Variants in MEGF11 observed in about 807,000 individuals in gnomAD.
MEGF11 encodes the protein multiple EGF like domains 11, also known as multiple epidermal growth factor-like domains protein 11.
Under a neutral mutation model 146.6 loss-of-function variants are expected in MEGF11, and 126 were observed. The observed-to-expected ratio is 0.86, with a 90% confidence interval of 0.74 to 1.00. MEGF11 has a LOEUF of 1.00. Ranked by LOEUF, MEGF11 falls within the 50% of genes least tolerant of loss-of-function variation. The pLI is 0.00. For missense variants in MEGF11, 1,509 were observed against 1,521.2 expected (o/e 0.99, Z 0.13); for synonymous variants, 532 against 583.4 (o/e 0.91, Z 1.27).
In MEGF11 at chr15:66,094,468, C is replaced by A. The variant is rs1298570187; in HGVS notation, c.328G>T (p.Gly110Cys). 2 of 1,560,616 alleles carry A rather than the reference C, an allele frequency of 1.3e-6. No individual in the cohort carries two copies. Among genetic ancestry groups the A allele is most frequent in the East Asian group, 2.4e-5 (1 of 41,642 alleles). Residue 110 changes from glycine (G) to cysteine (C), a missense_variant, in exon 5 of 26, where the codon GGC (glycine) becomes TGC (cysteine). Gly to Cys is a radical substitution (Grantham distance 159, BLOSUM62 -3). Transcript: ENST00000395614. ...IPLCTEECVH[G>C]RCVSPDTCHC... is the part of the protein sequence containing the mutation. ...CAGGTGTCCGGGGAAACGCAGCGGC[C>A]GTGCACACACTCCTCCGTACACAGG...
intron 4 of MEGF11, among the ~76,000 whole-genome samples, chr15:66,110,658 C>G (rs1260371181): frequency 6.6e-6 from 1 of 152,202 alleles, no homozygotes; most frequent in African/African-American, 2.4e-5. Context: ...GGCAGCAAAG[C>G]TCAGCACCAG....
chr15:66,117,803 G>T (rs748693679), intron 4 of MEGF11, among the ~76,000 whole-genome samples: 2 of 152,176 alleles, frequency 1.3e-5, no homozygotes, highest in Non-Finnish European at 2.9e-5. Context: ...TCCTAGCTCA[G>T]TCCTCTGCCC....
chr15:66,206,249 G>GA (rs2140109652), intron 1 of MEGF11, among the ~76,000 whole-genome samples: 1 of 152,064 alleles, frequency 6.6e-6, no homozygotes, highest in South Asian at 2.1e-4. Context: ...GGAGAAAACA[G>GA]ACTTGAAAAA....
At chr15:66,077,548 G>A (rs774555906) in intron 5 of MEGF11, among the ~76,000 whole-genome samples, 36 of 152,220 alleles carry the variant, frequency 2.4e-4, no homozygotes, top group Non-Finnish European at 4.0e-4. Context: ...CAGAAGGAAC[G>A]AAAGACGTGA....
At chr15:65,923,864 G>A (rs1411879865) in intron 13 of MEGF11, among the ~76,000 whole-genome samples, 2 of 152,180 alleles carry the variant, frequency 1.3e-5, no homozygotes, top group Admixed American at 1.3e-4. Flanking sequence ...GCCTGAGGCT[G>A]GATGCCCCAG....
intron 1 of MEGF11, among the ~76,000 whole-genome samples, chr15:66,241,917 GACA>G (rs2092218539): frequency 6.6e-6 from 1 of 152,170 alleles, no homozygotes; most frequent in African/African-American, 2.4e-5. Context: ...CACATACACA[GACA>G]ACAAAGAGAA....
intron 2 of MEGF11, among the ~76,000 whole-genome samples, chr15:66,126,944 C>T (rs1043657232): frequency 1.3e-5 from 2 of 152,186 alleles, no homozygotes; most frequent in South Asian, 2.1e-4. Flanking sequence ...ATGCACCTCC[C>T]GTGAGTCTGA....
chr15:66,086,609 G>C lies in MEGF11; in HGVS notation c.394+7793C>G, dbSNP rs191870885. Among the ~76,000 whole-genome samples, 7 of 151,908 alleles carry C rather than the reference G, an allele frequency of 4.6e-5. No individual in the cohort carries two copies. The East Asian group carries it at 9.7e-4, about 21-fold the overall frequency. On this transcript the variant is annotated intron_variant, in intron 5 of 25. Transcript: ENST00000395614. ...TACGGTCGTTTTCAGACAAACAAAT[G>C]CTGAGAGAATTCGCCATTACCAAGC...
At chr15:65,959,372 C>A (rs1425575181) in intron 9 of MEGF11, among the ~76,000 whole-genome samples, 1 of 152,152 alleles carries the variant, frequency 6.6e-6, no homozygotes, top group Non-Finnish European at 1.5e-5. Context: ...ACAGGCAATT[C>A]CTGAATAATA....
chr15:65,918,700 A>G (rs2079080623), intron 15 of MEGF11, among the ~76,000 whole-genome samples: 1 of 152,140 alleles, frequency 6.6e-6, no homozygotes, highest in South Asian at 2.1e-4. Flanking sequence ...CCTCTCCACC[A>G]CTGGTATTTC....
chr15:66,164,985 C>T lies in MEGF11; in HGVS notation c.-8-36574G>A, dbSNP rs150504616. 3.1e-3 allele frequency among the ~76,000 whole-genome samples: 467 copies of T among 152,288 alleles called. 4 individuals are homozygous for T. Among genetic ancestry groups the T allele is most frequent in the African/African-American group, 0.011 (444 of 41,556 alleles). On this transcript the variant is annotated intron_variant, in intron 1 of 25. Transcript: ENST00000395614. The stretch of plus-strand genomic sequence containing the variant: ...AGGCAAACTTCAGTGGCAGGACTGC[C>T]GGCAGCTGGCTGGGAGACTCCCGGA...
intron 13 of MEGF11, among the ~76,000 whole-genome samples, chr15:65,923,293 C>T (rs753903279): frequency 6.6e-6 from 1 of 152,116 alleles, no homozygotes; most frequent in Non-Finnish European, 1.5e-5. Flanking sequence ...AAATGGGGTA[C>T]GGCAAGAGAT....
At chr15:66,190,675 C>T (rs1312939718) in intron 1 of MEGF11, among the ~76,000 whole-genome samples, 1 of 152,104 alleles carries the variant, frequency 6.6e-6, no homozygotes, top group Non-Finnish European at 1.5e-5. Context: ...GACCTGACAG[C>T]CTTCACCCCA....
intron 5 of MEGF11, among the ~76,000 whole-genome samples, chr15:66,003,936 T>C (rs2082441808): frequency 6.6e-6 from 1 of 152,200 alleles, no homozygotes; most frequent in South Asian, 2.1e-4. Flanking sequence ...ACAAGGCAAG[T>C]CCATTTGATT....
At chr15:65,934,033 C>G (rs1053332720) in intron 10 of MEGF11, among the ~76,000 whole-genome samples, 1 of 152,338 alleles carries the variant, frequency 6.6e-6, no homozygotes, top group African/African-American at 2.4e-5. Context: ...GGCTGGCTCC[C>G]TGTTCCCCCT....
intron 2 of MEGF11, among the ~76,000 whole-genome samples, chr15:66,124,605 A>C (rs551934695): frequency 1.3e-5 from 2 of 152,338 alleles, no homozygotes; most frequent in South Asian, 4.2e-4. Context: ...ACTGAGCATC[A>C]GGGGGCATAA....
chr15:65,922,305 C>G lies in MEGF11; in HGVS notation c.1957+33G>C, dbSNP rs1252506003. 4 of 1,600,226 alleles carry G rather than the reference C, an allele frequency of 2.5e-6. No individual in the cohort carries two copies. The Admixed American group carries it at 6.8e-5, about 27-fold the overall frequency. On this transcript the variant is annotated intron_variant, in intron 15 of 25. Coordinates refer to ENST00000395614, the MANE Select transcript of MEGF11 (RefSeq NM_001385028.1). ...ACTTTCCTCCCAGAACCTCTCACCTCCCCACCCAGTACCTTCCCACTGGAG... is the reference window on the plus strand; with the variant it reads ...ACTTTCCTCCCAGAACCTCTCACCTGCCCACCCAGTACCTTCCCACTGGAG...
chr15:65,914,133 T>C, intron 19 of MEGF11, 160 bp from the exon 20 acceptor site: 1 of 609,964 alleles, frequency 1.6e-6, no homozygotes, highest in Non-Finnish European at 2.9e-6. Flanking sequence ...CAGCCCTCAC[T>C]GTGCCTTCAT....
chr15:66,130,730 G>GAGGGAGGAAGGAAGGA (rs56371892), intron 1 of MEGF11, among the ~76,000 whole-genome samples: 40,690 of 140,682 alleles, frequency 0.29, 7,394 homozygotes, highest in South Asian at 0.49. Context: ...AAGAGGGAGG[G>GAGGGAGGAAGGAAGGA]AGGAAGGAAG....
Sources: gnomAD v4.1 joint callset for allele counts (sites outside exome capture counted in the v4.1 genomes callset) on GRCh38, gnomAD v4.1.1 for gene constraint, MANE v1.5 for transcripts, NCBI Gene and HGNC (gene_info 2026-07-23, HGNC 2026-07-21) for gene names.